The following IFT27 variants were observed in gnomAD, a reference collection of about 807,000 sequenced individuals.
IFT27 encodes the protein intraflagellar transport 27.
IFT27 carries 19 observed loss-of-function variants against 23.9 expected under a neutral mutation model. The ratio of observed to expected loss-of-function variants is 0.79; its 90% CI spans 0.55 to 1.16. The LOEUF is 1.16. Ranked by LOEUF, IFT27 falls within the 50% of genes most tolerant of loss-of-function variation. The probability of loss-of-function intolerance (pLI) is 0.00; values close to 1 mark genes in which losing one functional copy is unlikely to be tolerated. For synonymous variants in IFT27, 91 were observed against 89.1 expected (o/e 1.02, Z -0.12); for missense variants, 206 against 228.7 (o/e 0.90, Z 0.64).
intron 1 of IFT27, among the ~76,000 whole-genome samples, chr22:36,774,545 T>G (rs760246512): frequency 2.6e-5 from 4 of 152,124 alleles, no homozygotes; most frequent in Non-Finnish European, 5.9e-5. Flanking sequence ...CAGTGGCTCA[T>G]GCCTGTAATC....
chr22:36,759,281 TGA>T (rs1242654786), intron 6 of IFT27: 1 of 152,254 alleles, frequency 6.6e-6, no homozygotes, highest in African/African-American at 2.4e-5. Context: ...CCGAAGACTG[TGA>T]GAGGAGGTGC....
In IFT27 at chr22:36,775,689, TG is replaced by T; in HGVS notation, c.18del (p.Lys7AsnfsTer32). MVKLA[A>X]KCILAGDPAV... ...TCAGACTCACCTGCCAGGATGCATT[TG>T]GCTGCCAGCTTCACCATGGTAACCA... On this transcript the variant is annotated frameshift_variant, in exon 1 of 7. Coordinates refer to ENST00000433985, the MANE Select transcript of IFT27 (RefSeq NM_001177701.3). LOFTEE classifies it high-confidence loss of function. The T allele has an allele frequency of 6.2e-7, 1 of 1,614,168 alleles. No homozygotes were observed. The highest frequency in any genetic ancestry group is 8.5e-7 in the Non-Finnish European group (1 of 1,180,044).
chr22:36,758,601 G>A, intron 6 of IFT27, 192 bp from the exon 7 acceptor site: 1 of 591,308 alleles, frequency 1.7e-6, no homozygotes, highest in East Asian at 2.9e-5. Context: ...GTAACTCAGA[G>A]ATGAAGGTAC....
intron 6 of IFT27, chr22:36,762,492 C>G (rs549784655): frequency 6.5e-6 from 1 of 154,910 alleles, no homozygotes; most frequent in South Asian, 2.0e-4. Flanking sequence ...AATCATGGGA[C>G]CTTGGACAAG....
At chr22:36,761,885 C>G (rs898566522) in intron 6 of IFT27, 3 of 152,238 alleles carry the variant, frequency 2.0e-5, no homozygotes, top group Non-Finnish European at 4.4e-5. Context: ...CAAGCTGGAG[C>G]AGAAGATGAC....
At chr22:36,763,349 C>T (rs1475995) in intron 5 of IFT27, 174,394 of 266,334 alleles carry the variant, frequency 0.65, 61,498 homozygotes, top group East Asian at 0.88. Context: ...TCTGAGCACA[C>T]GGAGCAAACT....
Position 36,767,638 on chromosome 22 carries a change from T to C in IFT27, c.114+145A>G, listed in dbSNP as rs142171912. 1.3e-4 allele frequency: 101 copies of C among 796,684 alleles called. No individual in the cohort carries two copies. The African/African-American group carries it at 1.4e-3, about 11-fold the overall frequency. The allele number at this position is 796,684 out of a possible 1,614,324, so 49.4% of individuals were successfully genotyped here. On this transcript the variant is annotated intron_variant, in intron 2 of 6. Transcript: ENST00000433985. Reference sequence around the variant, plus strand: ...TAGCCAACCTCTCACCCTGGGCTAGTGGAAAAAACGATCTCCACGTGGCCC... The same window carrying C: ...TAGCCAACCTCTCACCCTGGGCTAGCGGAAAAAACGATCTCCACGTGGCCC...
intron 1 of IFT27, among the ~76,000 whole-genome samples, chr22:36,768,901 G>A (rs756828560): frequency 1.3e-5 from 2 of 152,108 alleles, no homozygotes; most frequent in East Asian, 1.9e-4. Context: ...AATCAGCACC[G>A]CCCTCCGCGG....
rs749659995 is a variant in IFT27 at position 36,775,741 on chromosome 22, G to A, written c.-34C>T. 3.7e-6 allele frequency: 6 copies of A among 1,613,636 alleles called. No homozygotes were observed. Among genetic ancestry groups the A allele is most frequent in the South Asian group, 1.1e-5 (1 of 91,078 alleles). On this transcript the variant is annotated 5_prime_UTR_variant, in exon 1 of 7. Transcript: ENST00000433985. The stretch of plus-strand genomic sequence containing the variant: ...ACACTCCCGCGAGCCGTACCCAGAG[G>A]ACAAGAGCGGCTGCTAGAGACGCGA...
chr22:36,765,334 A>G (rs1419244604), intron 4 of IFT27, among the ~76,000 whole-genome samples: 2 of 152,142 alleles, frequency 1.3e-5, no homozygotes, highest in African/African-American at 4.8e-5. Flanking sequence ...CGGGTGGCAC[A>G]TGGCCTGGAT....
intron 6 of IFT27, chr22:36,761,258 G>A (rs1024071091): frequency 9.9e-5 from 15 of 152,226 alleles, no homozygotes; most frequent in Admixed American, 2.0e-4. Flanking sequence ...AGGGAATATG[G>A]AATATTGGGG....
At chr22:36,771,047 GGT>G (rs138610291) in intron 1 of IFT27, among the ~76,000 whole-genome samples, 19 of 150,750 alleles carry the variant, frequency 1.3e-4, no homozygotes, top group South Asian at 6.3e-4. Context: ...CCTGTCTTGG[GGT>G]GTGTGTGTGT....
chr22:36,773,463 C>G (rs1252413950), intron 1 of IFT27, among the ~76,000 whole-genome samples: 1 of 151,924 alleles, frequency 6.6e-6, no homozygotes, highest in African/African-American at 2.4e-5. Context: ...ACCAGCCTGG[C>G]TAACATGGTG....
intron 1 of IFT27, among the ~76,000 whole-genome samples, chr22:36,769,385 GTC>G (rs1463636715): frequency 6.6e-6 from 1 of 152,186 alleles, no homozygotes; most frequent in African/African-American, 2.4e-5. Flanking sequence ...TTGAGATGGA[GTC>G]TCTGTCACGC....
In IFT27 at chr22:36,758,345, C is replaced by T. The variant is rs568701732; in HGVS notation, c.527G>A (p.Arg176Gln). The change falls in exon 7 of 7, where the codon CGG (arginine) becomes CAG (glutamine). Residue 176 changes from arginine to glutamine, a missense_variant. Transcript: ENST00000433985. ...GGCCCGGAAAACCTCCACCTTCTCCCGGTACAGCTGGTGGAACTGCTTGGC... is the reference window on the plus strand; with the variant it reads ...GGCCCGGAAAACCTCCACCTTCTCCTGGTACAGCTGGTGGAACTGCTTGGC... The part of the protein sequence containing the change: ...CLAKQFHQLY[R>Q]EKVEVFRALA 34 of 1,614,166 alleles carry T rather than the reference C, an allele frequency of 2.1e-5. No individual in the cohort carries two copies. The highest frequency in any genetic ancestry group is 1.1e-4 in the East Asian group (5 of 44,884).
intron 6 of IFT27, chr22:36,762,433 C>T (rs1042903718): frequency 1.3e-5 from 2 of 152,512 alleles, no homozygotes; most frequent in African/African-American, 2.4e-5. Context: ...TGGGTGGTAC[C>T]GATGGGAATT....
intron 1 of IFT27, among the ~76,000 whole-genome samples, chr22:36,772,137 C>T (rs1266339310): frequency 6.6e-6 from 1 of 152,216 alleles, no homozygotes; most frequent in Non-Finnish European, 1.5e-5. Flanking sequence ...ATCTCTCCCT[C>T]CTTCATCTTT....
intron 1 of IFT27, chr22:36,768,209 G>C: frequency 2.4e-6 from 1 of 416,520 alleles, no homozygotes. Context: ...CTTCCAAACT[G>C]GAATTTACTT....
At chr22:36,765,888 G>A (rs1569076444) in intron 4 of IFT27, among the ~76,000 whole-genome samples, 1 of 152,256 alleles carries the variant, frequency 6.6e-6, no homozygotes, top group Non-Finnish European at 1.5e-5. Flanking sequence ...TGCAAGGACC[G>A]AGCCGCAGGG....
Sources: gnomAD v4.1 joint callset for allele counts (sites outside exome capture counted in the v4.1 genomes callset) on GRCh38, gnomAD v4.1.1 for gene constraint, MANE v1.5 for transcripts, NCBI Gene and HGNC (gene_info 2026-07-23, HGNC 2026-07-21) for gene names.